The following ZNF100 variants were observed in gnomAD, a reference collection of about 807,000 sequenced individuals.
ZNF100 encodes the protein zinc finger protein 100.
In ZNF100, 12 loss-of-function variants were observed where a neutral mutation model predicts 15.8. The observed-to-expected ratio is 0.76, with a 90% CI of 0.49 to 1.23. The LOEUF (loss-of-function observed/expected upper bound fraction) is 1.23, where lower values mean the gene tolerates loss of function less well. ZNF100 is among the 50% of genes most tolerant of loss of function. The pLI, the probability that ZNF100 is intolerant of heterozygous loss-of-function variation, is 0.00. For synonymous variants in ZNF100, 226 were observed against 214.8 expected (o/e 1.05, Z -0.45); for missense variants, 670 against 635.6 (o/e 1.05, Z -0.58).
intron 4 of ZNF100, among the ~76,000 whole-genome samples, chr19:21,741,609 AGGTG>A (rs2036109831): frequency 6.6e-6 from 1 of 151,928 alleles, no homozygotes; most frequent in African/African-American, 2.4e-5. Flanking sequence ...TCCTGACCTC[AGGTG>A]GTCTGCCCAC....
chr19:21,724,327 T>C lies in ZNF100; in HGVS notation c.*2356A>G, dbSNP rs969712786. Reference sequence around the variant, plus strand: ...AATTCATACACACAAACTCACTCTATAATTTTCTTACACTTAAGGTTTATC... The same window carrying C: ...AATTCATACACACAAACTCACTCTACAATTTTCTTACACTTAAGGTTTATC... On this transcript the variant is annotated 3_prime_UTR_variant, in exon 5 of 5. Coordinates refer to ENST00000358296, the MANE Select transcript of ZNF100 (RefSeq NM_173531.4). 11 of 152,214 alleles carry C rather than the reference T, an allele frequency of 7.2e-5. No homozygotes were observed. Among genetic ancestry groups the C allele is most frequent in the Non-Finnish European group, 1.6e-4 (11 of 68,028 alleles). 9.4% of individuals were successfully genotyped at this position (152,214 alleles called of 1,614,324 possible).
At chr19:21,731,406 T>TC (rs1280738407) in intron 4 of ZNF100, among the ~76,000 whole-genome samples, 25 of 151,962 alleles carry the variant, frequency 1.6e-4, no homozygotes, top group Non-Finnish European at 2.9e-5. Flanking sequence ...CCTCCTGGGT[T>TC]CAAGTGATTC....
chr19:21,728,071 A>G (rs2035847128), intron 4 of ZNF100, 82 bp from the exon 5 acceptor site: 1 of 1,247,814 alleles, frequency 8.0e-7, no homozygotes, highest in African/African-American at 1.5e-5. Context: ...TACAAACTAC[A>G]TAAATAAGAT....
chr19:21,756,804 A>G (rs2036399275), intron 2 of ZNF100, among the ~76,000 whole-genome samples: 1 of 152,204 alleles, frequency 6.6e-6, no homozygotes, highest in Admixed American at 6.5e-5. Context: ...AAAAAGAACA[A>G]AGCTGGAGGT....
rs2035844177 is a variant in ZNF100 at position 21,727,983 on chromosome 19, C to T, written c.329G>A (p.Cys110Tyr). 1.3e-6 allele frequency: 2 copies of T among 1,513,582 alleles called. No individual in the cohort carries two copies. Among genetic ancestry groups the T allele is most frequent in the East Asian group, 4.6e-5 (2 of 43,754 alleles). The allele number at this position is 1,513,582 out of a possible 1,614,324, so 93.8% of individuals were successfully genotyped here. A position where few individuals can be genotyped will look rare whatever the true frequency, so the allele number is the denominator to read the frequency against. ...HEMVAKPPVI[C>Y]SHFPQDLWAE... ...CCAAAGGTCTTGGGGAAAATGAGAA[C>T]ATATAACTGAAAGAAATAAAAATAA... The change falls in exon 5 of 5, where the codon TGT becomes TAT. Residue 110 changes from cysteine (C) to tyrosine (Y), a missense_variant. Cys to Tyr is a radical substitution (Grantham distance 194). Coordinates refer to ENST00000358296, the MANE Select transcript of ZNF100 (RefSeq NM_173531.4).
At chr19:21,732,231 A>G (rs1475355505) in intron 4 of ZNF100, among the ~76,000 whole-genome samples, 1 of 152,240 alleles carries the variant, frequency 6.6e-6, no homozygotes, top group African/African-American at 2.4e-5. Flanking sequence ...TAATACCAAG[A>G]AAGATACAGT....
Position 21,727,884 on chromosome 19 carries a change from A to C in ZNF100, c.428T>G (p.Leu143Ter). The part of the protein sequence containing the change: ...KKYGKYGHDN[L>*]QLQKGCKSVD... ...ACTTTTACAGCCTTTTTGTAACTGT[A>C]AATTGTCATGTCCATATTTTCCATA... The change falls in exon 5 of 5, where the codon TTA (leucine) becomes TGA (stop). Residue 143 changes from leucine to a stop codon, truncating the protein, a stop_gained. Coordinates refer to ENST00000358296, the MANE Select transcript of ZNF100 (RefSeq NM_173531.4). LOFTEE classifies it low-confidence loss of function (END_TRUNC). 6.2e-7 allele frequency: 1 copy of C among 1,609,442 alleles called. No individual in the cohort carries two copies. Among genetic ancestry groups the C allele is most frequent in the Non-Finnish European group, 8.5e-7 (1 of 1,178,586 alleles).
rs1203952756 is a variant in ZNF100 at position 21,725,855 on chromosome 19, TTC to T, written c.*826_*827del. On this transcript the variant is annotated 3_prime_UTR_variant, in exon 5 of 5. Transcript: ENST00000358296. ...GTGCCTTACATATTTCTACTGTAAA[TTC>T]TCTGATATTTACAGACTTAATGATT... is the stretch of plus-strand genomic sequence containing the variant. The T allele has an allele frequency of 6.1e-5, 9 of 148,260 alleles. No homozygotes were observed. Among genetic ancestry groups the T allele is most frequent in the African/African-American group, 1.8e-4 (7 of 38,800 alleles). The allele number at this position is 148,260 out of a possible 1,614,324, so 9.2% of individuals were successfully genotyped here.
In ZNF100 at chr19:21,727,754, A is replaced by G; in HGVS notation, c.558T>C (p.Phe186=). Residue 186 remains phenylalanine (F), a synonymous_variant, in exon 5 of 5, where the codon TTT becomes TTC. Transcript: ENST00000358296. The part of the protein sequence containing the change: ...IFQCDPSAKV[F]HTFSNSNRHK... ...GTCTGTTTGAATTTGAAAATGTATG[A>G]AAGACTTTTGCAGATGGATCACATT... The G allele has an allele frequency of 2.5e-6, 4 of 1,613,890 alleles. 1 individual carries two copies. Among genetic ancestry groups the G allele is most frequent in the Admixed American group, 1.7e-5 (1 of 60,016 alleles).
intron 2 of ZNF100, among the ~76,000 whole-genome samples, chr19:21,745,382 T>C (rs1050710387): frequency 1.3e-5 from 2 of 152,240 alleles, no homozygotes; most frequent in Non-Finnish European, 2.9e-5. Flanking sequence ...ATGAGTTGTG[T>C]ATATTTTTCA....
intron 2 of ZNF100, chr19:21,750,793 G>C (rs1050961678): frequency 2.5e-6 from 1 of 398,448 alleles, no homozygotes; most frequent in South Asian, 8.0e-5. Context: ...TGAGGGCGGC[G>C]AGTAGGGGGC....
intron 1 of ZNF100, among the ~76,000 whole-genome samples, chr19:21,766,585 A>T (rs998728489): frequency 6.6e-6 from 1 of 152,162 alleles, no homozygotes; most frequent in Non-Finnish European, 1.5e-5. Flanking sequence ...ACCAATTACT[A>T]AATTTAGTTT....
At chr19:21,744,477 A>G (rs2036176140) in intron 3 of ZNF100, among the ~76,000 whole-genome samples, 1 of 152,128 alleles carries the variant, frequency 6.6e-6, no homozygotes, top group African/African-American at 2.4e-5. Context: ...GGTTCAAGCA[A>G]TTCTCCTGCC....
At chr19:21,733,966 G>A (rs182859605) in intron 4 of ZNF100, among the ~76,000 whole-genome samples, 227 of 152,316 alleles carry the variant, frequency 1.5e-3, no homozygotes, top group African/African-American at 5.1e-3. Context: ...AATCACAGCG[G>A]CCCTACAGAA....
In ZNF100 at chr19:21,737,122, AT is replaced by A. The variant is rs1482526553; in HGVS notation, c.322+6894del. On this transcript the variant is annotated intron_variant, in intron 4 of 4. Coordinates refer to ENST00000358296, the MANE Select transcript of ZNF100 (RefSeq NM_173531.4). ...TATATCCAGGAGCTGTTTAAAAAAA[AT>A]AAAATAAAAGAGATAGACCACTAGC... Among the ~76,000 whole-genome samples, 4 of 152,260 alleles carry A rather than the reference AT, an allele frequency of 2.6e-5. No homozygotes were observed. In the South Asian group the frequency reaches 6.2e-4, roughly 24 times the overall value.
At chr19:21,755,767 A>C (rs2036383577) in intron 2 of ZNF100, among the ~76,000 whole-genome samples, 2 of 152,218 alleles carry the variant, frequency 1.3e-5, no homozygotes, top group Non-Finnish European at 2.9e-5. Flanking sequence ...AAGGAATGAG[A>C]TCATGTCCTC....
chr19:21,746,186 AT>A (rs1184460719), intron 2 of ZNF100, among the ~76,000 whole-genome samples: 2 of 152,252 alleles, frequency 1.3e-5, no homozygotes, highest in Non-Finnish European at 2.9e-5. Context: ...ATAGAAGAAC[AT>A]AGCATCATTG....
intron 4 of ZNF100, among the ~76,000 whole-genome samples, chr19:21,728,247 T>C (rs1199882290): frequency 6.6e-6 from 1 of 152,076 alleles, no homozygotes; most frequent in Non-Finnish European, 1.5e-5. Flanking sequence ...AGTCTGTACA[T>C]TTACCCAACA....
chr19:21,732,257 A>G (rs567913272), intron 4 of ZNF100, among the ~76,000 whole-genome samples: 2 of 152,354 alleles, frequency 1.3e-5, no homozygotes, highest in Admixed American at 1.3e-4. Flanking sequence ...TAGTTTCAAT[A>G]TTATCTTCAA....
Sources: allele counts gnomAD v4.1 joint callset (sites outside exome capture counted in the v4.1 genomes callset), GRCh38; gene constraint gnomAD v4.1.1; transcripts MANE v1.5; gene names NCBI Gene and HGNC (gene_info 2026-07-23, HGNC 2026-07-21).